The following CACNG1 variants were observed in gnomAD, a reference collection of about 807,000 sequenced individuals.
The protein encoded by CACNG1 is voltage-dependent calcium channel gamma-1 subunit.
A neutral mutation model predicts 22.0 loss-of-function variants in CACNG1; 21 were observed. That is an observed-to-expected ratio of 0.95 (90% CI 0.68 to 1.37). The LOEUF is 1.37. Among genes scored for constraint, CACNG1 ranks in the 40% most tolerant of loss-of-function variants. The pLI is 0.00. For synonymous variants in CACNG1, 127 were observed against 129.2 expected, an observed-to-expected ratio of 0.98 and a Z score of 0.12; for missense variants, 291 against 308.6, an observed-to-expected ratio of 0.94 and a Z score of 0.43.
chr17:67,046,034 C>T lies in CACNG1; in HGVS notation c.229+1145C>T, dbSNP rs533786554. 2.0e-5 allele frequency among the ~76,000 whole-genome samples: 3 copies of T among 152,310 alleles called. No individual in the cohort carries two copies. In the East Asian group the frequency reaches 5.8e-4, roughly 29 times the overall value. Reference sequence around the variant, plus strand: ...CTCTATTCTGCAAATGCAGAGGCTTCTGGATTCTTAGCAAATACAGCACTT... The same window carrying T: ...CTCTATTCTGCAAATGCAGAGGCTTTTGGATTCTTAGCAAATACAGCACTT... On this transcript the variant is annotated intron_variant, in intron 1 of 3. Coordinates refer to ENST00000226021, the MANE Select transcript of CACNG1 (RefSeq NM_000727.4).
intron 1 of CACNG1, among the ~76,000 whole-genome samples, chr17:67,051,531 G>A (rs2035728209): frequency 6.6e-6 from 1 of 152,192 alleles, no homozygotes; most frequent in Non-Finnish European, 1.5e-5. Flanking sequence ...CAGGCCCCCA[G>A]TTCAGCCATG....
rs1267001431 is a variant in CACNG1 at position 67,044,887 on chromosome 17, G to A, written c.227G>A (p.Gly76Glu). 1.9e-6 allele frequency: 3 copies of A among 1,610,262 alleles called. No homozygotes were observed. Among genetic ancestry groups the A allele is most frequent in the Non-Finnish European group, 2.5e-6 (3 of 1,178,288 alleles). Residue 76 changes from glycine to glutamate, a missense_variant and splice_region_variant, in exon 1 of 4, where the codon GGG becomes GAG. Transcript: ENST00000226021. This position sits in a 1 kb window ranked among gnomAD's most constrained non-coding sequence, Gnocchi z 6.9. ...ACCTGCGGGCCCATCACCCTGCCCG[G>A]GGGTAACGTACCCACCCTCCGTCCC... ...SKTCGPITLP[G>E]EKNCSYFRHF...
intron 1 of CACNG1, among the ~76,000 whole-genome samples, chr17:67,049,177 A>G (rs1222213035): frequency 6.6e-6 from 1 of 152,112 alleles, no homozygotes; most frequent in Non-Finnish European, 1.5e-5. Context: ...GAAAGAAACA[A>G]CTCACCACAT....
chr17:67,053,573 A>G (rs752982437), intron 1 of CACNG1, among the ~76,000 whole-genome samples: 1 of 152,204 alleles, frequency 6.6e-6, no homozygotes, highest in Non-Finnish European at 1.5e-5. Context: ...CCCTCTCACC[A>G]CCACCATAAC....
At chr17:67,047,736 C>G (rs920482127) in intron 1 of CACNG1, among the ~76,000 whole-genome samples, 7 of 151,860 alleles carry the variant, frequency 4.6e-5, no homozygotes, top group Non-Finnish European at 1.0e-4. Flanking sequence ...ACAGGCTAAC[C>G]AAAAAACTGG....
intron 1 of CACNG1, 114 bp downstream of exon 1, chr17:67,045,003 C>T (rs949906513): frequency 2.6e-5 from 21 of 796,744 alleles, no homozygotes; most frequent in Middle Eastern, 4.6e-4. Flanking sequence ...ATAGGGCAGC[C>T]GCCCAGCCTT....
chr17:67,050,024 A>G (rs1301263689), intron 1 of CACNG1, among the ~76,000 whole-genome samples: 1 of 152,238 alleles, frequency 6.6e-6, no homozygotes, highest in East Asian at 1.9e-4. Context: ...CAAAGGAGAG[A>G]CTATGTGTTC....
At chr17:67,052,953 T>C (rs2035736601) in intron 1 of CACNG1, among the ~76,000 whole-genome samples, 1 of 152,168 alleles carries the variant, frequency 6.6e-6, no homozygotes, top group Non-Finnish European at 1.5e-5. Flanking sequence ...GCTTTGATTT[T>C]ATAGTATACC....
chr17:67,046,231 C>T (rs946154503), intron 1 of CACNG1, among the ~76,000 whole-genome samples: 3 of 152,210 alleles, frequency 2.0e-5, no homozygotes, highest in Non-Finnish European at 2.9e-5. Flanking sequence ...GGCTTACAGA[C>T]GCCCATCCAC....
chr17:67,048,997 G>C (rs921471088), intron 1 of CACNG1, among the ~76,000 whole-genome samples: 2 of 152,050 alleles, frequency 1.3e-5, no homozygotes, highest in Non-Finnish European at 2.9e-5. Flanking sequence ...GAGCAAAAAA[G>C]GTATGTGAAA....
At chr17:67,050,937 C>G (rs574057440) in intron 1 of CACNG1, among the ~76,000 whole-genome samples, 5 of 152,182 alleles carry the variant, frequency 3.3e-5, no homozygotes, top group Admixed American at 1.3e-4. Flanking sequence ...GAGAATGGCA[C>G]GACCTCAGAG....
At chr17:67,046,385 G>C (rs3785579) in intron 1 of CACNG1, among the ~76,000 whole-genome samples, 17,387 of 152,136 alleles carry the variant, frequency 0.11, 1,262 homozygotes, top group South Asian at 0.17. Context: ...CAGTCTGCTT[G>C]TGAGGCAAAG....
chr17:67,053,921 C>T (rs2035742438), intron 1 of CACNG1, 75 bp from the exon 2 acceptor site: 1 of 1,071,986 alleles, frequency 9.3e-7, no homozygotes, highest in African/African-American at 1.5e-5. Flanking sequence ...CAGAATGACA[C>T]CACGCTCTCT....
chr17:67,051,121 G>A (rs893292943), intron 1 of CACNG1, among the ~76,000 whole-genome samples: 52 of 152,246 alleles, frequency 3.4e-4, no homozygotes, highest in African/African-American at 1.2e-3. Context: ...GGACCGTCAC[G>A]GTCCCTCTCC....
chr17:67,053,127 G>A (rs557782747), intron 1 of CACNG1, among the ~76,000 whole-genome samples: 77 of 152,226 alleles, frequency 5.1e-4, no homozygotes, highest in Non-Finnish European at 1.0e-3. Context: ...TTATCAGGTG[G>A]GCCAAGCGGC....
In CACNG1 at chr17:67,055,329, TG is replaced by T; in HGVS notation, c.442+92del. The T allele has an allele frequency of 6.9e-7, 1 of 1,442,894 alleles. No individual in the cohort carries two copies. Among genetic ancestry groups the T allele is most frequent in the Non-Finnish European group, 9.4e-7 (1 of 1,063,792 alleles). The allele number at this position is 1,442,894 out of a possible 1,614,324, so 89.4% of individuals were successfully genotyped here. On this transcript the variant is annotated intron_variant, in intron 3 of 3. Transcript: ENST00000226021. This position sits in a 1 kb window ranked among gnomAD's most constrained non-coding sequence, Gnocchi z 4.5. ...CCACCCTCATGCCCACCGCGAGATT[TG>T]GGTGAGGGGCATTTCCCAGGCTCCA...
In CACNG1 at chr17:67,055,148, T is replaced by G; in HGVS notation, c.350T>G (p.Phe117Cys). 1 of 1,614,198 alleles carries G rather than the reference T, an allele frequency of 6.2e-7. No homozygotes were observed. The highest frequency in any genetic ancestry group is 1.1e-5 in the South Asian group (1 of 91,080). Residue 117 changes from phenylalanine to cysteine, a missense_variant, in exon 3 of 4, where the codon TTC becomes TGC. Phe to Cys is a radical substitution (Grantham distance 205). Transcript: ENST00000226021. The surrounding 1 kb of genome is among the most constrained non-coding windows in gnomAD (Gnocchi z 4.5). ...GCCATCGCCATCTTCAGCCTTGGCTTCATCATCCTGGGCAGCCTCTGTGTC... is the reference window on the plus strand; with the variant it reads ...GCCATCGCCATCTTCAGCCTTGGCTGCATCATCCTGGGCAGCCTCTGTGTC... ...AAAIAIFSLGFIILGSLCVLL... is the reference protein window; with the variant it reads ...AAAIAIFSLGCIILGSLCVLL...
chr17:67,054,525 C>T lies in CACNG1; in HGVS notation c.304+455C>T, dbSNP rs992412320. ...CTTTTCAGGATCCGCAGAGCTCAGA[C>T]GCACACCCATTGTCGGGAGTACAGA... On this transcript the variant is annotated intron_variant, in intron 2 of 3. Transcript: ENST00000226021. The surrounding 1 kb of genome is among the most constrained non-coding windows in gnomAD (Gnocchi z 4.6). 3.3e-5 allele frequency among the ~76,000 whole-genome samples: 5 copies of T among 152,248 alleles called. No homozygotes were observed. Among genetic ancestry groups the T allele is most frequent in the South Asian group, 2.1e-4 (1 of 4,818 alleles).
At chr17:67,052,203 T>C (rs1326094425) in intron 1 of CACNG1, among the ~76,000 whole-genome samples, 7 of 152,216 alleles carry the variant, frequency 4.6e-5, no homozygotes, top group African/African-American at 1.7e-4. Context: ...AATTCTGACA[T>C]CACCACCAGC....
Sources: gnomAD v4.1 joint callset for allele counts (sites outside exome capture counted in the v4.1 genomes callset) on GRCh38, gnomAD v4.1.1 for gene constraint, Gnocchi (gnomAD v3.1) non-coding constraint, MANE v1.5 for transcripts, NCBI Gene and HGNC (gene_info 2026-07-23, HGNC 2026-07-21) for gene names.